Variants in PLPPR5 observed in about 807,000 individuals in gnomAD.
PLPPR5 encodes the protein phospholipid phosphatase-related protein type 5.
In PLPPR5, 16 loss-of-function variants were observed where a neutral mutation model predicts 33.9. That is an observed-to-expected ratio of 0.47 (90% CI 0.32 to 0.72). PLPPR5 has a LOEUF of 0.72. Among genes scored for constraint, PLPPR5 ranks in the 30% least tolerant of loss-of-function variants. The pLI is 0.03. For synonymous variants in PLPPR5, 163 were observed against 150.3 expected (o/e 1.08, Z -0.62); for missense variants, 301 against 406.7 (o/e 0.74, Z 2.23).
At chr1:98,934,704 T>A (rs1296864235) in intron 3 of PLPPR5, among the ~76,000 whole-genome samples, 2 of 152,160 alleles carry the variant, frequency 1.3e-5, no homozygotes, top group East Asian at 3.9e-4. Context: ...AGAAGTCACG[T>A]TGATCAACAG....
chr1:98,994,094 A>G (rs980685454), intron 1 of PLPPR5, among the ~76,000 whole-genome samples: 1 of 152,106 alleles, frequency 6.6e-6, no homozygotes, highest in African/African-American at 2.4e-5. Context: ...AGGATTTGGA[A>G]CAAGTCACTT....
chr1:98,918,260 T>C (rs1300632738), intron 4 of PLPPR5, among the ~76,000 whole-genome samples: 1 of 152,194 alleles, frequency 6.6e-6, no homozygotes, highest in Non-Finnish European at 1.5e-5. Context: ...AGTTACTTTA[T>C]ATAATCAGGC....
chr1:98,967,811 G>A (rs183125418), intron 1 of PLPPR5, among the ~76,000 whole-genome samples: 2 of 152,220 alleles, frequency 1.3e-5, no homozygotes, highest in Admixed American at 1.3e-4. Context: ...TTATTAGGTA[G>A]CCCTGAAGGC....
intron 1 of PLPPR5, among the ~76,000 whole-genome samples, chr1:98,961,636 C>G (rs960180160): frequency 2.0e-5 from 3 of 152,176 alleles, no homozygotes; most frequent in Non-Finnish European, 2.9e-5. Flanking sequence ...TCTTCCTAAG[C>G]TTAGCACAGT....
intron 3 of PLPPR5, among the ~76,000 whole-genome samples, chr1:98,929,631 A>T (rs1194274515): frequency 6.6e-6 from 1 of 152,184 alleles, no homozygotes; most frequent in Non-Finnish European, 1.5e-5. Flanking sequence ...CTCAGCACAA[A>T]GGCCGATTGA....
intron 3 of PLPPR5, 38 bp from the exon 4 acceptor site, chr1:98,922,096 G>T: frequency 6.3e-7 from 1 of 1,588,772 alleles, no homozygotes; most frequent in Non-Finnish European, 8.6e-7. Flanking sequence ...TTTCATGAAG[G>T]TATTTCCTTT....
chr1:98,920,168 T>C (rs1280602022), intron 4 of PLPPR5, among the ~76,000 whole-genome samples: 1 of 152,014 alleles, frequency 6.6e-6, no homozygotes, highest in African/African-American at 2.4e-5. Flanking sequence ...GGGAAGTGAC[T>C]TGGAAGGCAC....
chr1:98,977,959 C>T (rs1651919327), intron 1 of PLPPR5, among the ~76,000 whole-genome samples: 1 of 151,936 alleles, frequency 6.6e-6, no homozygotes, highest in Non-Finnish European at 1.5e-5. Context: ...AATGTCCATG[C>T]ATAATCAAAT....
At chr1:98,917,284 T>G (rs1353121842) in intron 4 of PLPPR5, among the ~76,000 whole-genome samples, 1 of 152,212 alleles carries the variant, frequency 6.6e-6, no homozygotes, top group Non-Finnish European at 1.5e-5. Flanking sequence ...CTAAATATCT[T>G]GATTTCTTAT....
At chr1:98,949,539 C>G (rs1570725248) in intron 3 of PLPPR5, among the ~76,000 whole-genome samples, 1 of 152,108 alleles carries the variant, frequency 6.6e-6, no homozygotes, top group Non-Finnish European at 1.5e-5. Flanking sequence ...TAACTAAATA[C>G]AGCCATAAGA....
intron 5 of PLPPR5, among the ~76,000 whole-genome samples, chr1:98,912,696 A>C (rs1649198422): frequency 6.6e-6 from 1 of 152,186 alleles, no homozygotes; most frequent in South Asian, 2.1e-4. Context: ...ACTAAAAGGA[A>C]GAAGGTGAGA....
At chr1:98,993,637 T>TA (rs1417686439) in intron 1 of PLPPR5, among the ~76,000 whole-genome samples, 1 of 152,034 alleles carries the variant, frequency 6.6e-6, no homozygotes, top group Admixed American at 6.6e-5. Flanking sequence ...CATTTTAAAT[T>TA]ACAAGATGAA....
chr1:98,904,034 A>G (rs770096010), intron 5 of PLPPR5, among the ~76,000 whole-genome samples: 1 of 152,152 alleles, frequency 6.6e-6, no homozygotes, highest in African/African-American at 2.4e-5. Flanking sequence ...GGCAGTTGCC[A>G]TGGGAATTAA....
At chr1:99,005,405 T>A (rs1653051713), upstream of PLPPR5, among the ~76,000 whole-genome samples, 2 of 152,136 alleles carry the variant, frequency 1.3e-5, no homozygotes, top group Admixed American at 1.3e-4. Context: ...GGCGGTGGTT[T>A]CTAGGCGCTG....
At chr1:98,976,198 G>A (rs1372645777) in intron 1 of PLPPR5, among the ~76,000 whole-genome samples, 3 of 151,474 alleles carry the variant, frequency 2.0e-5, no homozygotes, top group Admixed American at 6.6e-5. Context: ...AGAGGAGTTG[G>A]GGAGAGAATC....
intron 5 of PLPPR5, among the ~76,000 whole-genome samples, chr1:98,907,044 A>G (rs1473116074): frequency 6.6e-6 from 1 of 152,172 alleles, no homozygotes; most frequent in Non-Finnish European, 1.5e-5. Flanking sequence ...TTTCTAGTAC[A>G]GTTTTAATCC....
At chr1:98,921,691 G>A (rs1649558995) in intron 4 of PLPPR5, among the ~76,000 whole-genome samples, 191 bp downstream of exon 4, 1 of 152,026 alleles carries the variant, frequency 6.6e-6, no homozygotes, top group Non-Finnish European at 1.5e-5. Flanking sequence ...CCCCAAACCT[G>A]ACTTGTGGCA....
intron 3 of PLPPR5, among the ~76,000 whole-genome samples, chr1:98,932,700 G>C (rs1021619602): frequency 2.0e-5 from 3 of 152,190 alleles, no homozygotes; most frequent in South Asian, 2.1e-4. Context: ...TATGGTAAAA[G>C]AATCTCTACT....
chr1:98,900,730 A>C (rs1197123345), intron 5 of PLPPR5, among the ~76,000 whole-genome samples: 2 of 152,170 alleles, frequency 1.3e-5, no homozygotes, highest in East Asian at 3.9e-4. Flanking sequence ...GAAGAATCGG[A>C]GGATGTGGAT....
Sources: gnomAD v4.1 joint callset for allele counts (sites outside exome capture counted in the v4.1 genomes callset) on GRCh38, gnomAD v4.1.1 for gene constraint, MANE v1.5 for transcripts, NCBI Gene and HGNC (gene_info 2026-07-23, HGNC 2026-07-21) for gene names.